Variants in PAPPA2 observed in about 807,000 individuals in gnomAD.
The protein encoded by PAPPA2 is pappalysin-2.
PAPPA2 carries 86 observed loss-of-function variants against 176.4 expected under a neutral mutation model. The ratio of observed to expected loss-of-function variants is 0.49; its 90% CI spans 0.41 to 0.58. The LOEUF (loss-of-function observed/expected upper bound fraction) is 0.58. PAPPA2 is among the 20% of genes least tolerant of loss of function. PAPPA2 has a pLI of 0.00. For missense variants in PAPPA2, 2,073 were observed against 2,256.9 expected (o/e 0.92, Z 1.65); for synonymous variants, 809 against 852.2 (o/e 0.95, Z 0.88).
intron 21 of PAPPA2, among the ~76,000 whole-genome samples, chr1:176,834,349 T>C (rs1003412677): frequency 6.6e-6 from 1 of 152,180 alleles, no homozygotes; most frequent in Non-Finnish European, 1.5e-5. Context: ...TTTTACATAT[T>C]CCAAGAAGAC....
At chr1:176,579,552 T>A (rs1239201257) in intron 2 of PAPPA2, among the ~76,000 whole-genome samples, 2 of 152,204 alleles carry the variant, frequency 1.3e-5, no homozygotes, top group Admixed American at 1.3e-4. Context: ...GTCTATACAT[T>A]TTTTTGAGTC....
rs1262270434 is a variant in PAPPA2, at chr1:176,710,092, T to A, written c.3567T>A (p.Asp1189Glu). Residue 1189 changes from aspartate to glutamate, a missense_variant, in exon 11 of 23, where the codon GAT (aspartate) becomes GAA (glutamate). By Grantham distance (45) the Asp-to-Glu change is conservative (BLOSUM62 2). Around this residue, in one of 4 missense-constraint regions of PAPPA2, gnomAD observed 846 missense variants for 857.9 expected, o/e 0.99. Transcript: ENST00000367662. ...CGIYTPKGYL[D>E]QWATRAYSSH... ...TCTACACTCCCAAAGGATACTTGGA[T>A]CAATGGGCTACCCGGGCTTACTCCT... 6.2e-7 allele frequency: 1 copy of A among 1,613,828 alleles called. No homozygotes were observed. The highest frequency in any genetic ancestry group is 8.5e-7 in the Non-Finnish European group (1 of 1,179,818).
At chr1:176,680,362 A>G (rs1454894333) in intron 4 of PAPPA2, among the ~76,000 whole-genome samples, 1 of 152,156 alleles carries the variant, frequency 6.6e-6, no homozygotes, top group Non-Finnish European at 1.5e-5. Context: ...CTTCTATAGA[A>G]TTTTATACTA....
At position 176,611,383 on chromosome 1, in the gene PAPPA2, A is replaced by C. The variant is rs369257527; in HGVS notation, c.1991+15788A>C. Among the ~76,000 whole-genome samples, 3 of 152,370 alleles carry C rather than the reference A, an allele frequency of 2.0e-5. No homozygotes were observed. The Middle Eastern group carries it at 0.01, about 518-fold the overall frequency. ...CATTATGGGGCATTCACAGTCCAAT[A>C]TTAAAATGATGATTATTCAGACTAA... On this transcript the variant is annotated intron_variant, in intron 3 of 22. Transcript: ENST00000367662.
intron 14 of PAPPA2, among the ~76,000 whole-genome samples, chr1:176,758,427 G>T (rs147653788): frequency 6.6e-6 from 1 of 152,278 alleles, no homozygotes; most frequent in Non-Finnish European, 1.5e-5. Context: ...TGCTGTTATT[G>T]TTGTTAATGG....
At position 176,842,348 on chromosome 1, in the gene PAPPA2, G is replaced by T. The variant is rs764953872; in HGVS notation, c.5302-32G>T. 11 of 1,564,454 alleles carry T rather than the reference G, an allele frequency of 7.0e-6. No individual in the cohort carries two copies. In the South Asian group the frequency reaches 1.1e-4, roughly 16 times the overall value. The stretch of plus-strand genomic sequence containing the variant: ...AAAAGTGTGAAGCTATCACAGAAAT[G>T]AGCTATTTCTACTTCCCTTTCATTC... On this transcript the variant is annotated intron_variant, in intron 22 of 22. Coordinates refer to ENST00000367662, the MANE Select transcript of PAPPA2 (RefSeq NM_020318.3).
rs1004414404 is a variant in PAPPA2 at position 176,575,551 on chromosome 1, C to T, written c.919+18310C>T. On this transcript the variant is annotated intron_variant, in intron 2 of 22. Transcript: ENST00000367662. ...TCATGCCAGTGCCCTGCATGCAGTG[C>T]GTGATTCACTCATGAATTTGTATAT... Among the ~76,000 whole-genome samples, 7 of 152,216 alleles carry T rather than the reference C, an allele frequency of 4.6e-5. No individual in the cohort carries two copies. In the East Asian group the frequency reaches 5.8e-4, roughly 13 times the overall value.
In PAPPA2 at chr1:176,699,136, T is replaced by C. The variant is rs758444349; in HGVS notation, c.2783T>C (p.Leu928Ser). ...PDVDQPCEPS[L>S]QAWSPEVHLY... is the part of the protein sequence containing the mutation. ...GTGGATCAGCCCTGCGAGCCAAGCT[T>C]ACAGGCCTGGAGCCCTGAGGTCCAC... is the stretch of plus-strand genomic sequence containing the variant. The change falls in exon 8 of 23, where the codon TTA (leucine) becomes TCA (serine). Residue 928 changes from leucine (L) to serine (S), a missense_variant. Transcript: ENST00000367662. 2.0e-5 allele frequency: 32 copies of C among 1,613,874 alleles called. No individual in the cohort carries two copies. Among genetic ancestry groups the C allele is most frequent in the Non-Finnish European group, 2.5e-6 (3 of 1,179,942 alleles).
chr1:176,686,463 T>C (rs948482300), intron 4 of PAPPA2, among the ~76,000 whole-genome samples: 1 of 152,134 alleles, frequency 6.6e-6, no homozygotes, highest in Non-Finnish European at 1.5e-5. Context: ...GTGGGGATTA[T>C]GGGATTATGG....
rs554510316 is a variant in PAPPA2 at position 176,525,834 on chromosome 1, G to A, written c.-916-29573G>A. ...TTCACCTGGTTCTTCCACTAACAGT[G>A]TATTTCTTGCGTGTTCAATCTCTCT... On this transcript the variant is annotated intron_variant, in intron 1 of 22. Transcript: ENST00000367662. Among the ~76,000 whole-genome samples, 8 of 152,292 alleles carry A rather than the reference G, an allele frequency of 5.3e-5. No homozygotes were observed. In the South Asian group the frequency reaches 1.4e-3, roughly 28 times the overall value.
At chr1:176,515,037 G>A (rs1290915399) in intron 1 of PAPPA2, among the ~76,000 whole-genome samples, 1 of 152,160 alleles carries the variant, frequency 6.6e-6, no homozygotes, top group Non-Finnish European at 1.5e-5. Flanking sequence ...TTTGTTAGTT[G>A]TATATTAATG....
At chr1:176,478,875 C>T (rs1652256134) in intron 1 of PAPPA2, among the ~76,000 whole-genome samples, 1 of 152,224 alleles carries the variant, frequency 6.6e-6, no homozygotes. Context: ...ATTTATATCA[C>T]AGTCACCTAT....
intron 2 of PAPPA2, among the ~76,000 whole-genome samples, chr1:176,590,716 T>C (rs187888923): frequency 1.3e-5 from 2 of 152,334 alleles, no homozygotes; most frequent in Admixed American, 1.3e-4. Flanking sequence ...TAAGGTGATA[T>C]AACTTTTTTT....
intron 1 of PAPPA2, among the ~76,000 whole-genome samples, chr1:176,508,166 G>A (rs12088469): frequency 0.079 from 12,048 of 152,162 alleles, 589 homozygotes; most frequent in South Asian, 0.15. Flanking sequence ...ACAAAGTGTA[G>A]CACTCTTTAA....
At chr1:176,733,698 A>G (rs1662267566) in intron 12 of PAPPA2, among the ~76,000 whole-genome samples, 1 of 152,130 alleles carries the variant, frequency 6.6e-6, no homozygotes, top group Non-Finnish European at 1.5e-5. Context: ...GCTATGTTCC[A>G]TAACACCTTT....
intron 3 of PAPPA2, among the ~76,000 whole-genome samples, chr1:176,637,953 G>C (rs1656820024): frequency 6.6e-6 from 1 of 152,058 alleles, no homozygotes. Flanking sequence ...CTTTGGGAAA[G>C]GAGGGAGTGG....
At chr1:176,788,833 T>C (rs920260939) in intron 17 of PAPPA2, among the ~76,000 whole-genome samples, 1 of 152,228 alleles carries the variant, frequency 6.6e-6, no homozygotes, top group Non-Finnish European at 1.5e-5. Flanking sequence ...AGCAGTCATC[T>C]CAGAAGTTAT....
intron 2 of PAPPA2, among the ~76,000 whole-genome samples, chr1:176,590,606 C>T (rs1653597931): frequency 6.6e-6 from 1 of 152,184 alleles, no homozygotes; most frequent in African/African-American, 2.4e-5. Flanking sequence ...TTATTTAATT[C>T]TCACAACAAC....
intron 1 of PAPPA2, among the ~76,000 whole-genome samples, chr1:176,513,965 A>C (rs12084712): frequency 6.6e-6 from 1 of 152,160 alleles, no homozygotes; most frequent in Non-Finnish European, 1.5e-5. Context: ...AAGGGCTCTC[A>C]TACATGCCAT....
Sources: gnomAD v4.1 joint callset for allele counts (sites outside exome capture counted in the v4.1 genomes callset) on GRCh38, gnomAD v4.1.1 for gene constraint, gnomAD v4.1.1 regional missense constraint, MANE v1.5 for transcripts, NCBI Gene and HGNC (gene_info 2026-07-23, HGNC 2026-07-21) for gene names.